NPAS2: variants seen among roughly 807,000 people sequenced by gnomAD.
NPAS2 encodes neuronal PAS domain protein 2.
Under a neutral mutation model 107.5 loss-of-function variants are expected in NPAS2, and 23 were observed. The observed-to-expected ratio is 0.21, with a 90% CI of 0.15 to 0.30. The LOEUF (loss-of-function observed/expected upper bound fraction) is 0.30, where lower values mean the gene tolerates loss of function less well. Ranked by LOEUF, NPAS2 falls within the 10% of genes least tolerant of loss-of-function variation. The probability of loss-of-function intolerance (pLI) is 1.00; values close to 1 mark genes in which losing one functional copy is unlikely to be tolerated. For missense variants in NPAS2, 756 were observed against 1,043.3 expected, an observed-to-expected ratio of 0.72 and a Z score of 3.79; for synonymous variants, 403 against 417.5, an observed-to-expected ratio of 0.97 and a Z score of 0.42.
chr2:100,904,890 A>G (rs1396619211), intron 2 of NPAS2, 104 bp downstream of exon 2: 3 of 785,780 alleles, frequency 3.8e-6, no homozygotes, highest in African/African-American at 3.5e-5. Context: ...GGCCACCAGC[A>G]AGATAGGCAG....
chr2:100,866,920 G>A (rs571837756), intron 1 of NPAS2, among the ~76,000 whole-genome samples: 5 of 152,218 alleles, frequency 3.3e-5, no homozygotes, highest in Non-Finnish European at 5.9e-5. Flanking sequence ...TTGTGTGAGC[G>A]GGGAAAACAA....
intron 4 of NPAS2, among the ~76,000 whole-genome samples, chr2:100,935,483 C>T (rs1409737839): frequency 1.3e-5 from 2 of 152,204 alleles, no homozygotes; most frequent in South Asian, 2.1e-4. Context: ...TCAGATGCTA[C>T]TGATGGGACT....
chr2:100,905,520 A>G (rs1023728273), intron 2 of NPAS2, among the ~76,000 whole-genome samples: 3 of 152,026 alleles, frequency 2.0e-5, no homozygotes, highest in Non-Finnish European at 4.4e-5. Context: ...TTACTGTGCC[A>G]TGCTCTGGGG....
intron 12 of NPAS2, chr2:100,972,692 T>C (rs1170409003): frequency 6.6e-6 from 1 of 152,214 alleles, no homozygotes; most frequent in Admixed American, 6.5e-5. Context: ...TGTCACACCA[T>C]ACATTATGTA....
intron 1 of NPAS2, among the ~76,000 whole-genome samples, chr2:100,825,928 G>A (rs541956265): frequency 2.6e-5 from 4 of 152,298 alleles, no homozygotes; most frequent in Non-Finnish European, 5.9e-5. Context: ...GGTCTCCGTG[G>A]TGCCCTTGAC....
chr2:100,882,028 C>A (rs1295330808), intron 1 of NPAS2, among the ~76,000 whole-genome samples: 1 of 152,242 alleles, frequency 6.6e-6, no homozygotes, highest in African/African-American at 2.4e-5. Context: ...CAGCTTGGAG[C>A]CTGATGCCAT....
intron 3 of NPAS2, among the ~76,000 whole-genome samples, chr2:100,927,296 T>G (rs2104909170): frequency 6.6e-6 from 1 of 152,312 alleles, no homozygotes; most frequent in South Asian, 2.1e-4. Flanking sequence ...TTGTGTTCGT[T>G]TTTGTAGATG....
chr2:100,899,223 C>CTTT (rs368357697), intron 1 of NPAS2, among the ~76,000 whole-genome samples: 5 of 133,740 alleles, frequency 3.7e-5, no homozygotes, highest in African/African-American at 1.4e-4. Flanking sequence ...TTATGGACTT[C>CTTT]TTTTTTTTTT....
At chr2:100,923,493 C>T (rs966846814) in intron 2 of NPAS2, among the ~76,000 whole-genome samples, 9 of 152,134 alleles carry the variant, frequency 5.9e-5, no homozygotes, top group Non-Finnish European at 1.5e-5. Context: ...CCTTTTGTGT[C>T]CAAGGGCTGT....
intron 1 of NPAS2, among the ~76,000 whole-genome samples, chr2:100,857,229 C>T (rs886719205): frequency 7.0e-6 from 1 of 143,396 alleles, no homozygotes; most frequent in South Asian, 2.2e-4. Flanking sequence ...ATCCAGGAGG[C>T]GGAGGTTGCA....
chr2:100,819,982 C>T (rs895900043), upstream of NPAS2, among the ~76,000 whole-genome samples: 2 of 151,450 alleles, frequency 1.3e-5, no homozygotes, highest in Non-Finnish European at 3.0e-5. This position sits in a 1 kb window ranked among gnomAD's most constrained non-coding sequence, Gnocchi z 5.8. Context: ...GGTGCTTGTC[C>T]CAGGCTGGGT....
At chr2:100,913,290 C>G (rs1682666988) in intron 2 of NPAS2, among the ~76,000 whole-genome samples, 1 of 152,202 alleles carries the variant, frequency 6.6e-6, no homozygotes, top group Non-Finnish European at 1.5e-5. Context: ...CTCCCTTCAC[C>G]AGTTCCGAAC....
intron 1 of NPAS2, among the ~76,000 whole-genome samples, chr2:100,871,036 A>G (rs914505366): frequency 9.2e-5 from 14 of 152,194 alleles, no homozygotes; most frequent in Admixed American, 9.2e-4. Context: ...TGGGTGTCCC[A>G]TCACACTGCC....
intron 20 of NPAS2, 61 bp downstream of exon 20, chr2:100,993,588 C>G (rs1211950324): frequency 7.8e-7 from 1 of 1,279,418 alleles, no homozygotes; most frequent in Non-Finnish European, 1.0e-6. Flanking sequence ...CGCTCCACAC[C>G]CGAAGTCTCA....
At chr2:100,904,961 C>A (rs1185375692) in intron 2 of NPAS2, among the ~76,000 whole-genome samples, 175 bp downstream of exon 2, 1 of 152,190 alleles carries the variant, frequency 6.6e-6, no homozygotes, top group Admixed American at 6.5e-5. Flanking sequence ...CTAGAGAGCT[C>A]ACTCAGCCCT....
chr2:100,830,941 T>C (rs1305917432), intron 1 of NPAS2, among the ~76,000 whole-genome samples: 1 of 152,030 alleles, frequency 6.6e-6, no homozygotes, highest in Admixed American at 6.6e-5. Flanking sequence ...AGAGAGGTTT[T>C]TTGAGGAGGT....
At chr2:100,864,268 GT>G (rs1679116497) in intron 1 of NPAS2, among the ~76,000 whole-genome samples, 1 of 152,184 alleles carries the variant, frequency 6.6e-6, no homozygotes, top group East Asian at 1.9e-4. Flanking sequence ...ACATTTTGTG[GT>G]TATTGTTTTA....
intron 5 of NPAS2, among the ~76,000 whole-genome samples, chr2:100,938,110 G>A (rs1000403842): frequency 1.3e-5 from 2 of 152,162 alleles, no homozygotes; most frequent in African/African-American, 4.8e-5. Context: ...TCTTTTTCTG[G>A]GTCAGAAATG....
intron 5 of NPAS2, among the ~76,000 whole-genome samples, chr2:100,944,706 C>T (rs1432707506): frequency 6.6e-6 from 1 of 152,208 alleles, no homozygotes; most frequent in African/African-American, 2.4e-5. Flanking sequence ...AAGAGCCAAG[C>T]ACAGTCTGGG....
Sources: gnomAD v4.1 joint callset for allele counts (sites outside exome capture counted in the v4.1 genomes callset) on GRCh38, gnomAD v4.1.1 for gene constraint, Gnocchi (gnomAD v3.1) non-coding constraint, MANE v1.5 for transcripts, NCBI Gene and HGNC (gene_info 2026-07-23, HGNC 2026-07-21) for gene names.